FAT2: variants seen among roughly 807,000 people sequenced by gnomAD.
FAT2 encodes FAT atypical cadherin 2.
In FAT2, 150 loss-of-function variants were observed where a neutral mutation model predicts 295.3. The ratio of observed to expected loss-of-function variants is 0.51; its 90% confidence interval spans 0.44 to 0.58. The LOEUF is 0.58. Ranked by LOEUF, FAT2 falls within the 20% of genes least tolerant of loss-of-function variation. The probability of loss-of-function intolerance (pLI) is 0.00; values close to 1 mark genes in which losing one functional copy is unlikely to be tolerated. For missense variants in FAT2, 4,868 were observed against 5,442.7 expected, an observed-to-expected ratio of 0.89 and a Z score of 3.32; for synonymous variants, 2,026 against 2,150.3, an observed-to-expected ratio of 0.94 and a Z score of 1.60.
intron 1 of FAT2, among the ~76,000 whole-genome samples, chr5:151,574,083 A>G (rs112931259): frequency 1.1e-3 from 161 of 152,180 alleles, no homozygotes; most frequent in African/African-American, 3.7e-3. Context: ...GAGCCCCCCA[A>G]TGGCAGCGAA....
chr5:151,505,398 G>A lies in FAT2; in HGVS notation c.*167C>T. 2 of 783,906 alleles carry A rather than the reference G, an allele frequency of 2.6e-6. No homozygotes were observed. The highest frequency in any genetic ancestry group is 3.3e-4 in the Middle Eastern group (1 of 3,030). 48.6% of individuals were successfully genotyped at this position (783,906 alleles called of 1,614,324 possible). ...TATCCTCAGCTTCCCTCCACCCTCA[G>A]GGACTAGGTGGGGGATTGGAAGAGC... is the stretch of plus-strand genomic sequence containing the variant. On this transcript the variant is annotated 3_prime_UTR_variant, in exon 24 of 24. Transcript: ENST00000261800.
At position 151,567,186 on chromosome 5, in the gene FAT2, C is replaced by T. The variant is rs765690558; in HGVS notation, c.1746G>A (p.Ser582=). The change falls in exon 2 of 24, where the codon TCG becomes TCA. Residue 582 remains serine (S), a synonymous_variant. Coordinates refer to ENST00000261800, the MANE Select transcript of FAT2 (RefSeq NM_001447.3). ...CATCTATGGCTGACATAGTCATTAT[C>T]GATTTCCCTACTGGCCAGTCTTGGC... ...SIRQDWPVGK[S]IMTMSAIDVD... The T allele has an allele frequency of 8.7e-6, 14 of 1,614,068 alleles. No homozygotes were observed. In the East Asian group the frequency reaches 8.9e-5, roughly 10 times the overall value.
intron 1 of FAT2, among the ~76,000 whole-genome samples, chr5:151,583,997 C>CAAAAAAAAA (rs35453556): frequency 6.5e-5 from 3 of 46,046 alleles, no homozygotes; most frequent in African/African-American, 9.8e-5. Flanking sequence ...GGCTCTGTCT[C>CAAAAAAAAA]AAAAAAAAAA....
In FAT2 at chr5:151,566,726, G is replaced by T; in HGVS notation, c.2206C>A (p.Arg736Ser). 6.2e-7 allele frequency: 1 copy of T among 1,614,140 alleles called. No individual in the cohort carries two copies. Among genetic ancestry groups the T allele is most frequent in the Non-Finnish European group, 8.5e-7 (1 of 1,180,030 alleles). The part of the protein sequence containing the change: ...ESVPINTPLA[R>S]LAATDPDAGF... ...GCATCAGGGTCAGTGGCTGCTAGGC[G>T]GGCCAAGGGGGTGTTGATAGGGACA... The change falls in exon 2 of 24, where the codon CGC (arginine) becomes AGC (serine). Residue 736 changes from arginine (R) to serine (S), a missense_variant. Arg to Ser is a moderately radical substitution (Grantham distance 110). Transcript: ENST00000261800.
intron 1 of FAT2, among the ~76,000 whole-genome samples, chr5:151,588,287 A>G (rs1561891759): frequency 6.6e-6 from 1 of 152,320 alleles, no homozygotes; most frequent in East Asian, 1.9e-4. Context: ...GGCCTTCAAG[A>G]CTGATCTGCC....
chr5:151,537,001 C>T (rs1755385565), intron 12 of FAT2, among the ~76,000 whole-genome samples: 1 of 152,208 alleles, frequency 6.6e-6, no homozygotes, highest in African/African-American at 2.4e-5. Context: ...CCCTTTCCCC[C>T]ACTCTCTTAC....
rs140924909 is a variant in FAT2, at chr5:151,546,517, T to C, written c.4790-180A>G. Among the ~76,000 whole-genome samples, 1,469 of 152,276 alleles carry C rather than the reference T, an allele frequency of 9.6e-3. 21 individuals carry two copies. Among genetic ancestry groups the C allele is most frequent in the African/African-American group, 0.034 (1,406 of 41,548 alleles). ...ACTTTATAAAATCTCTAACATGGTG[T>C]GCATAGTAGGTGCTTCATATCACCA... On this transcript the variant is annotated intron_variant, in intron 9 of 23. Coordinates refer to ENST00000261800, the MANE Select transcript of FAT2 (RefSeq NM_001447.3).
In FAT2 at chr5:151,507,249, A is replaced by T; in HGVS notation, c.12422T>A (p.Val4141Asp). ...CGGGAGTCTGGGGGGCACACTGCAG[A>T]CCACTGGCCGTTGCTTAGAATTGGG... ...FGPNSKQRPV[V>D]CSVPPRLPPA... Residue 4141 changes from valine (V) to aspartate (D), a missense_variant, in exon 23 of 24, where the codon GTC (valine) becomes GAC (aspartate). Coordinates refer to ENST00000261800, the MANE Select transcript of FAT2 (RefSeq NM_001447.3). 1 of 1,614,150 alleles carries T rather than the reference A, an allele frequency of 6.2e-7. No homozygotes were observed. The highest frequency in any genetic ancestry group is 8.5e-7 in the Non-Finnish European group (1 of 1,180,008).
At position 151,531,974 on chromosome 5, in the gene FAT2, G is replaced by T; in HGVS notation, c.9428-4C>A. The T allele has an allele frequency of 6.2e-7, 1 of 1,613,912 alleles. No individual in the cohort carries two copies. Among genetic ancestry groups the T allele is most frequent in the South Asian group, 1.1e-5 (1 of 91,056 alleles). On this transcript the variant is annotated splice_region_variant and splice_polypyrimidine_tract_variant and intron_variant, in intron 13 of 23. Coordinates refer to ENST00000261800, the MANE Select transcript of FAT2 (RefSeq NM_001447.3). This position sits in a 1 kb window ranked among gnomAD's most constrained non-coding sequence, Gnocchi z 5.7. ...TAAACCACCTGGGCATTGGCGCCTGGCAGGGAGACCAAGGGTGTGATCCAC... is the reference window on the plus strand; with the variant it reads ...TAAACCACCTGGGCATTGGCGCCTGTCAGGGAGACCAAGGGTGTGATCCAC...
rs2127591342 is a variant in FAT2, at chr5:151,531,713, C to G, written c.9685G>C (p.Glu3229Gln). Reference protein sequence around the residue: ...LNTEHSVQVPEDAPPGTEVLQ... With the variant: ...LNTEHSVQVPQDAPPGTEVLQ... ...ACCTCCGTGCCAGGTGGGGCGTCCTCGGGCACCTGCACGCTGTGCTCGGTG... is the reference window on the plus strand; with the variant it reads ...ACCTCCGTGCCAGGTGGGGCGTCCTGGGGCACCTGCACGCTGTGCTCGGTG... The change falls in exon 14 of 24, where the codon GAG (glutamate) becomes CAG (glutamine). Residue 3229 changes from glutamate (E) to glutamine (Q), a missense_variant. Around this residue, in one of 5 missense-constraint regions of FAT2, gnomAD observed 1,046 missense variants for 1,210.1 expected, o/e 0.86. Coordinates refer to ENST00000261800, the MANE Select transcript of FAT2 (RefSeq NM_001447.3). The surrounding 1 kb of genome is among the most constrained non-coding windows in gnomAD (Gnocchi z 5.7). 1.9e-6 allele frequency: 3 copies of G among 1,613,820 alleles called. No homozygotes were observed. The highest frequency in any genetic ancestry group is 2.5e-6 in the Non-Finnish European group (3 of 1,179,926).
At chr5:151,508,576 G>A (rs1006892372) in intron 22 of FAT2, among the ~76,000 whole-genome samples, 5 of 152,164 alleles carry the variant, frequency 3.3e-5, no homozygotes, top group African/African-American at 4.8e-5. Flanking sequence ...CAGGTGTTAT[G>A]GCACATGCCT....
At chr5:151,511,985 G>A in intron 21 of FAT2, 180 bp downstream of exon 21, 1 of 612,912 alleles carries the variant, frequency 1.6e-6, no homozygotes, top group Non-Finnish European at 2.9e-6. Flanking sequence ...GAGAGGGAAG[G>A]AAGACTCCTG....
chr5:151,545,721 A>G lies in FAT2; in HGVS notation c.5406T>C (p.Tyr1802=), dbSNP rs1307608015. ...TCAAGGCCTCCGGCTCCAAAATTTTATAGACCAACAAGGAATTAGCTTCTT... is the reference window on the plus strand; with the variant it reads ...TCAAGGCCTCCGGCTCCAAAATTTTGTAGACCAACAAGGAATTAGCTTCTT... ...SDKEANSLLV[Y]KILEPEALKF... is the part of the protein sequence containing the mutation. Residue 1802 remains tyrosine (Y), a synonymous_variant, in exon 10 of 24, where the codon TAT becomes TAC. Coordinates refer to ENST00000261800, the MANE Select transcript of FAT2 (RefSeq NM_001447.3). 6.8e-6 allele frequency: 11 copies of G among 1,614,054 alleles called. No individual in the cohort carries two copies. Among genetic ancestry groups the G allele is most frequent in the Non-Finnish European group, 9.3e-6 (11 of 1,180,044 alleles).
chr5:151,539,508 A>G (rs141891134), intron 11 of FAT2, among the ~76,000 whole-genome samples: 276 of 152,326 alleles, frequency 1.8e-3, no homozygotes, highest in African/African-American at 6.3e-3. Flanking sequence ...ATATATGCAT[A>G]GGTATTTGCC....
chr5:151,518,459 A>G (rs1292733461), intron 19 of FAT2, among the ~76,000 whole-genome samples: 4 of 151,876 alleles, frequency 2.6e-5, no homozygotes, highest in Non-Finnish European at 1.5e-5. Flanking sequence ...CATAGTTTCC[A>G]TGTTATTTCT....
In FAT2 at chr5:151,550,813, C is replaced by T. The variant is rs373996339; in HGVS notation, c.4355G>A (p.Arg1452His). Reference protein sequence around the residue: ...NHHRPQFLETRYEVRVPQDTV... With the variant: ...NHHRPQFLETHYEVRVPQDTV... ...GTCCTGGGGAACTCTGACTTCATAACGAGTTTCCAGAAACTGGGGCCGATG... is the reference window on the plus strand; with the variant it reads ...GTCCTGGGGAACTCTGACTTCATAATGAGTTTCCAGAAACTGGGGCCGATG... Residue 1452 changes from arginine (R) to histidine (H), a missense_variant, in exon 8 of 24, where the codon CGT becomes CAT. By Grantham distance (29) the Arg-to-His change is conservative. Around this residue, in one of 5 missense-constraint regions of FAT2, gnomAD observed 3,297 missense variants for 3,669.4 expected, o/e 0.90. Coordinates refer to ENST00000261800, the MANE Select transcript of FAT2 (RefSeq NM_001447.3). 8.1e-6 allele frequency: 13 copies of T among 1,613,734 alleles called. No individual in the cohort carries two copies. The highest frequency in any genetic ancestry group is 4.0e-5 in the African/African-American group (3 of 74,822).
At chr5:151,528,678 G>C (rs1754279034) in intron 15 of FAT2, among the ~76,000 whole-genome samples, 1 of 152,162 alleles carries the variant, frequency 6.6e-6, no homozygotes, top group Admixed American at 6.5e-5. Context: ...AGGGAGTGGA[G>C]GGAGAGACTG....
Position 151,543,040 on chromosome 5 carries a change from T to C in FAT2, c.8087A>G (p.Tyr2696Cys), listed in dbSNP as rs201641754. The change falls in exon 10 of 24, where the codon TAT becomes TGT. Residue 2696 changes from tyrosine to cysteine, a missense_variant. By Grantham distance (194) the Tyr-to-Cys change is radical. This residue lies in a region of FAT2 where 3,297 missense variants were observed against 3,669.4 expected (regional missense o/e 0.90). Transcript: ENST00000261800. ...AAGGTCTTCAGGTGCAGAGAAAGTA[T>C]ACAAAGGTTCAGAAAATTTCGGTAA... ...VSLPKFSEPL[Y>C]TFSAPEDLPE... The C allele has an allele frequency of 2.3e-5, 37 of 1,614,204 alleles. No homozygotes were observed. The highest frequency in any genetic ancestry group is 3.1e-5 in the Non-Finnish European group (36 of 1,180,036).
Position 151,567,036 on chromosome 5 carries a change from T to C in FAT2, c.1896A>G (p.Gln632=), listed in dbSNP as rs1758305498. 6.2e-7 allele frequency: 1 copy of C among 1,614,008 alleles called. No individual in the cohort carries two copies. Residue 632 remains glutamine (Q), a synonymous_variant, in exon 2 of 24, where the codon CAA becomes CAG. Coordinates refer to ENST00000261800, the MANE Select transcript of FAT2 (RefSeq NM_001447.3). ...KRPFINLTAG[Q]PTSYSLKITA... ...TAATCTTCAGGGAATAACTGGTGGGTTGACCAGCAGTAAGATTGATAAAAG... is the reference window on the plus strand; with the variant it reads ...TAATCTTCAGGGAATAACTGGTGGGCTGACCAGCAGTAAGATTGATAAAAG...
Sources: allele counts gnomAD v4.1 joint callset (sites outside exome capture counted in the v4.1 genomes callset), GRCh38; gene constraint gnomAD v4.1.1; regional missense constraint gnomAD v4.1.1; non-coding constraint Gnocchi (gnomAD v3.1); transcripts MANE v1.5; gene names NCBI Gene and HGNC (gene_info 2026-07-23, HGNC 2026-07-21).